PALD1: variants seen among roughly 807,000 people sequenced by gnomAD.
The protein encoded by PALD1 is paladin.
PALD1 carries 57 observed loss-of-function variants against 96.0 expected under a neutral mutation model. The observed-to-expected ratio is 0.59, with a 90% confidence interval of 0.48 to 0.74. PALD1 has a LOEUF of 0.74. Ranked by LOEUF, PALD1 falls within the 30% of genes least tolerant of loss-of-function variation. The probability of loss-of-function intolerance (pLI) is 0.00; values close to 1 mark genes in which losing one functional copy is unlikely to be tolerated. For missense variants in PALD1, 1,063 were observed against 1,143.7 expected (o/e 0.93, Z 1.02); for synonymous variants, 464 against 473.6 (o/e 0.98, Z 0.26).
chr10:70,546,226 G>C (rs1847359490), intron 17 of PALD1, among the ~76,000 whole-genome samples: 1 of 152,112 alleles, frequency 6.6e-6, no homozygotes, highest in Non-Finnish European at 1.5e-5. Flanking sequence ...GACAGGGCGA[G>C]ACTCCATCTC....
At chr10:70,488,744 G>A (rs1846051009) in intron 1 of PALD1, among the ~76,000 whole-genome samples, 1 of 152,164 alleles carries the variant, frequency 6.6e-6, no homozygotes, top group South Asian at 2.1e-4. Flanking sequence ...GGGAGAGATG[G>A]GAAGAAGTCT....
At chr10:70,529,463 G>T (rs1846948886) in intron 3 of PALD1, 132 bp downstream of exon 3, 1 of 618,954 alleles carries the variant, frequency 1.6e-6, no homozygotes, top group Non-Finnish European at 2.9e-6. Context: ...AACGGGCAGG[G>T]CCCTAGGATG....
the PALD1 span, among the ~76,000 whole-genome samples, chr10:70,463,097 T>C: frequency 2.6e-5 from 4 of 152,124 alleles, no homozygotes; most frequent in East Asian, 7.7e-4. Context: ...CGAATGTTTG[T>C]GGGGTGAATC....
Position 70,541,451 on chromosome 10 carries a change from G to A in PALD1, c.2050-12G>A. 6.2e-7 allele frequency: 1 copy of A among 1,613,076 alleles called. No homozygotes were observed. Among genetic ancestry groups the A allele is most frequent in the Non-Finnish European group, 8.5e-7 (1 of 1,179,232 alleles). On this transcript the variant is annotated splice_polypyrimidine_tract_variant and intron_variant, in intron 16 of 19. Transcript: ENST00000263563. Reference sequence around the variant, plus strand: ...GGAGGGGGCTTCTGTCTCAGCAGCTGTCTTCCCTCAGGGCTTCCCCGAGGT... The same window carrying A: ...GGAGGGGGCTTCTGTCTCAGCAGCTATCTTCCCTCAGGGCTTCCCCGAGGT...
chr10:70,529,815 C>A, intron 3 of PALD1, 74 bp from the exon 4 acceptor site: 1 of 1,359,564 alleles, frequency 7.4e-7, no homozygotes, highest in Non-Finnish European at 1.0e-6. Flanking sequence ...CCCCTGGAGC[C>A]CAGGACAGAG....
At chr10:70,531,483 C>T (rs756157035) in intron 5 of PALD1, 29 bp downstream of exon 5, 6 of 1,589,326 alleles carry the variant, frequency 3.8e-6, no homozygotes, top group Admixed American at 1.7e-5. Context: ...TGCGGGAGAC[C>T]CCAGCCCACA....
intron 18 of PALD1, among the ~76,000 whole-genome samples, chr10:70,551,042 C>T (rs1266535822): frequency 1.3e-5 from 2 of 152,196 alleles, no homozygotes; most frequent in Non-Finnish European, 2.9e-5. Context: ...TTCAGGTTAA[C>T]CACCGTGAGT....
chr10:70,559,604 G>A (rs1437809836), intron 18 of PALD1, among the ~76,000 whole-genome samples: 1 of 152,132 alleles, frequency 6.6e-6, no homozygotes, highest in East Asian at 1.9e-4. Flanking sequence ...AGCCTCTGGA[G>A]GTGTTTCGAA....
chr10:70,566,466 C>A, intron 19 of PALD1, 115 bp from the exon 20 acceptor site: 1 of 746,156 alleles, frequency 1.3e-6, no homozygotes. Flanking sequence ...AGTCAAGGTG[C>A]AAACTTGTTC....
At chr10:70,563,207 A>G (rs1465562755) in intron 18 of PALD1, among the ~76,000 whole-genome samples, 7 of 152,128 alleles carry the variant, frequency 4.6e-5, no homozygotes, top group Admixed American at 4.6e-4. Flanking sequence ...TAAACTTTCT[A>G]GGTGACAGGT....
intron 1 of PALD1, among the ~76,000 whole-genome samples, chr10:70,488,037 T>C (rs927335587): frequency 6.6e-6 from 1 of 152,286 alleles, no homozygotes; most frequent in African/African-American, 2.4e-5. Flanking sequence ...ATCTCTGTTA[T>C]TGGATGATTT....
At chr10:70,532,820 C>T in intron 6 of PALD1, 39 bp downstream of exon 6, 3 of 1,605,966 alleles carry the variant, frequency 1.9e-6, no homozygotes, top group Non-Finnish European at 2.6e-6. Context: ...CATGGGTGCT[C>T]CAGGTCCTGC....
At chr10:70,519,262 C>G (rs964417388) in intron 1 of PALD1, among the ~76,000 whole-genome samples, 4 of 152,048 alleles carry the variant, frequency 2.6e-5, no homozygotes, top group African/African-American at 9.7e-5. Context: ...TCAGTCCATT[C>G]AGGCTGCTAC....
intron 18 of PALD1, among the ~76,000 whole-genome samples, chr10:70,554,668 C>G (rs1306082839): frequency 6.6e-6 from 1 of 151,892 alleles, no homozygotes; most frequent in Admixed American, 6.5e-5. Flanking sequence ...TGGAGGAAGC[C>G]CTGCTAGAAT....
intron 18 of PALD1, among the ~76,000 whole-genome samples, chr10:70,554,306 G>T (rs1226381496): frequency 6.6e-6 from 1 of 152,188 alleles, no homozygotes; most frequent in Non-Finnish European, 1.5e-5. Flanking sequence ...GCGCACACCT[G>T]TAATCCCAGC....
In PALD1 at chr10:70,556,190, G is replaced by A. The variant is rs569350946; in HGVS notation, c.2263-8174G>A. On this transcript the variant is annotated intron_variant, in intron 18 of 19. Transcript: ENST00000263563. ...CTTTCACTTGAACCCAGCCTAGAAC[G>A]GCTTCCAGAACGGAGTGTGTGTGTG... is the stretch of plus-strand genomic sequence containing the variant. 5.3e-5 allele frequency among the ~76,000 whole-genome samples: 8 copies of A among 152,064 alleles called. No individual in the cohort carries two copies. The East Asian group carries it at 1.2e-3, about 22-fold the overall frequency.
In PALD1 at chr10:70,540,514, C is replaced by T. The variant is rs775913358; in HGVS notation, c.1909-588C>T. 3.3e-5 allele frequency among the ~76,000 whole-genome samples: 5 copies of T among 151,524 alleles called. No individual in the cohort carries two copies. The highest frequency in any genetic ancestry group is 7.4e-5 in the Non-Finnish European group (5 of 67,874). ...ATCCCTGTGTGGTGCGTGTGTCTGG[C>T]GTGTGTTGTAGGTGAGCCACCGTGT... On this transcript the variant is annotated intron_variant, in intron 15 of 19. Transcript: ENST00000263563. This position sits in a 1 kb window ranked among gnomAD's most constrained non-coding sequence, Gnocchi z 4.2.
intron 18 of PALD1, among the ~76,000 whole-genome samples, chr10:70,552,196 G>C (rs1465133258): frequency 6.6e-6 from 1 of 152,216 alleles, no homozygotes; most frequent in African/African-American, 2.4e-5. Context: ...AACAGCTCCG[G>C]CTTCTGGGCA....
Position 70,547,406 on chromosome 10 carries a change from A to G in PALD1, c.2222A>G (p.His741Arg), listed in dbSNP as rs1847389259. The part of the protein sequence containing the change: ...DTVSETMTPM[H>R]YHLREIIICT... ...GTCAGCGAGACCATGACGCCCATGC[A>G]CTACCACCTGCGGGAGATCATCATC... The change falls in exon 18 of 20, where the codon CAC (histidine) becomes CGC (arginine). Residue 741 changes from histidine (H) to arginine (R), a missense_variant. Physicochemically the swap from His to Arg is conservative, Grantham distance 29 (BLOSUM62 0). Coordinates refer to ENST00000263563, the MANE Select transcript of PALD1 (RefSeq NM_014431.3). 1 of 1,612,584 alleles carries G rather than the reference A, an allele frequency of 6.2e-7. No homozygotes were observed. Among genetic ancestry groups the G allele is most frequent in the Non-Finnish European group, 8.5e-7 (1 of 1,179,264 alleles).
Sources: allele counts gnomAD v4.1 joint callset (sites outside exome capture counted in the v4.1 genomes callset), GRCh38; gene constraint gnomAD v4.1.1; non-coding constraint Gnocchi (gnomAD v3.1); transcripts MANE v1.5; gene names NCBI Gene and HGNC (gene_info 2026-07-23, HGNC 2026-07-21).